Variants in TFEC observed in about 807,000 individuals in gnomAD.
The protein encoded by TFEC is class E basic helix-loop-helix protein 34.
Under a neutral mutation model 41.6 loss-of-function variants are expected in TFEC, and 31 were observed. The observed-to-expected ratio is 0.74, with a 90% CI of 0.56 to 1.01. The LOEUF is 1.01. TFEC is among the 50% of genes least tolerant of loss of function. The pLI is 0.00. For synonymous variants in TFEC, 143 were observed against 140.6 expected (o/e 1.02, Z -0.12); for missense variants, 402 against 404.1 (o/e 0.99, Z 0.04).
chr7:115,947,770 T>C (rs1485320231), intron 6 of TFEC, among the ~76,000 whole-genome samples: 2 of 37,912 alleles, frequency 5.3e-5, no homozygotes, highest in Non-Finnish European at 1.4e-4. Flanking sequence ...TGGGGTTGTT[T>C]GTTTTTTCTT....
chr7:115,967,406 G>T (rs907453732), intron 3 of TFEC, among the ~76,000 whole-genome samples: 4 of 151,676 alleles, frequency 2.6e-5, no homozygotes, highest in Non-Finnish European at 5.9e-5. Flanking sequence ...TGTATAAAGA[G>T]GATCACTGTA....
intron 1 of TFEC, among the ~76,000 whole-genome samples, chr7:116,151,587 T>TCCA (rs1798761909): frequency 6.6e-6 from 1 of 152,144 alleles, no homozygotes; most frequent in Admixed American, 6.5e-5. Context: ...TTTCTTCTCC[T>TCCA]TGTAGTAGGG....
Position 116,016,376 on chromosome 7 carries a change from G to A in TFEC, c.-73+14257C>T, listed in dbSNP as rs554650642. Among the ~76,000 whole-genome samples the A allele has an allele frequency of 2.0e-5, 3 of 152,268 alleles. No homozygotes were observed. In the South Asian group the frequency reaches 6.2e-4, roughly 32 times the overall value. ...TCTCTCTCTCCACATTCTTCCCATA[G>A]AGGATCTCATCAGTGCTCATGGTTT... On this transcript the variant is annotated intron_variant, in intron 1 of 7. Transcript: ENST00000265440.
At chr7:116,060,185 T>C (rs1247367212) in intron 3 of TFEC, among the ~76,000 whole-genome samples, 1 of 104,274 alleles carries the variant, frequency 9.6e-6, no homozygotes, top group African/African-American at 4.3e-5. Context: ...GCAATTGTAA[T>C]TTTAGATTTA....
intron 3 of TFEC, among the ~76,000 whole-genome samples, chr7:116,066,704 C>T (rs982219592): frequency 6.6e-6 from 1 of 152,030 alleles, no homozygotes; most frequent in Non-Finnish European, 1.5e-5. Context: ...AATACAATTA[C>T]AATTTTTTTT....
At chr7:115,974,130 T>C (rs1226666201) in intron 3 of TFEC, 40 bp downstream of exon 3, 3 of 1,506,684 alleles carry the variant, frequency 2.0e-6, no homozygotes, top group Non-Finnish European at 1.8e-6. Context: ...AGTGTATTCA[T>C]TTCTGTTTCA....
At chr7:116,113,977 G>C (rs1797914210) in intron 1 of TFEC, among the ~76,000 whole-genome samples, 1 of 151,948 alleles carries the variant, frequency 6.6e-6, no homozygotes, top group Non-Finnish European at 1.5e-5. Flanking sequence ...AGGACTTAGA[G>C]AAGTACATAG....
intron 1 of TFEC, among the ~76,000 whole-genome samples, chr7:116,156,545 G>C (rs749213292): frequency 2.6e-5 from 4 of 152,106 alleles, no homozygotes; most frequent in Non-Finnish European, 5.9e-5. Flanking sequence ...CCTCAGCCTT[G>C]AATCTTTTCT....
intron 1 of TFEC, among the ~76,000 whole-genome samples, chr7:116,008,099 C>T (rs945801512): frequency 1.3e-5 from 2 of 152,156 alleles, no homozygotes; most frequent in Non-Finnish European, 2.9e-5. Flanking sequence ...GATAAATCCG[C>T]TTCTTGGGTA....
At chr7:116,138,047 A>G (rs1358359555) in intron 1 of TFEC, among the ~76,000 whole-genome samples, 1 of 152,150 alleles carries the variant, frequency 6.6e-6, no homozygotes, top group Non-Finnish European at 1.5e-5. Context: ...ATCTTTCCTC[A>G]GGTTATATAC....
At chr7:116,099,443 C>T (rs1584514627) in intron 3 of TFEC, among the ~76,000 whole-genome samples, 1 of 152,146 alleles carries the variant, frequency 6.6e-6, no homozygotes, top group African/African-American at 2.4e-5. Flanking sequence ...TCTTCTCCCA[C>T]GGCGACTCTA....
intron 1 of TFEC, among the ~76,000 whole-genome samples, chr7:115,985,903 A>T (rs1793833076): frequency 6.6e-6 from 1 of 152,170 alleles, no homozygotes; most frequent in African/African-American, 2.4e-5. Context: ...AATATACATT[A>T]TGAAGAACAC....
At chr7:115,964,087 G>A (rs962179794) in intron 3 of TFEC, among the ~76,000 whole-genome samples, 3 of 151,516 alleles carry the variant, frequency 2.0e-5, no homozygotes, top group Non-Finnish European at 4.4e-5. Flanking sequence ...AAATAAATAA[G>A]TGAAATGATC....
chr7:116,152,491 T>A (rs1274459711), intron 1 of TFEC, among the ~76,000 whole-genome samples: 1 of 152,194 alleles, frequency 6.6e-6, no homozygotes, highest in Non-Finnish European at 1.5e-5. Context: ...AAGCGGGTAC[T>A]GATCAGGGCA....
intron 1 of TFEC, among the ~76,000 whole-genome samples, chr7:115,994,498 A>C (rs1794272556): frequency 6.6e-6 from 1 of 152,208 alleles, no homozygotes; most frequent in African/African-American, 2.4e-5. Flanking sequence ...AAGAACTCAC[A>C]CAAATTTACA....
At chr7:116,135,354 T>C (rs889174658) in intron 1 of TFEC, among the ~76,000 whole-genome samples, 2 of 152,190 alleles carry the variant, frequency 1.3e-5, no homozygotes, top group Admixed American at 6.5e-5. Context: ...CCAAGGAACA[T>C]GGTTCAAAAG....
intron 3 of TFEC, among the ~76,000 whole-genome samples, chr7:116,043,954 G>A (rs1796099668): frequency 6.6e-6 from 1 of 152,162 alleles, no homozygotes; most frequent in South Asian, 2.1e-4. Flanking sequence ...GCACTCCTGT[G>A]AATGTGAACT....
At chr7:116,118,096 A>G (rs1420467057) in intron 1 of TFEC, among the ~76,000 whole-genome samples, 1 of 151,784 alleles carries the variant, frequency 6.6e-6, no homozygotes, top group African/African-American at 2.4e-5. Flanking sequence ...TTTCTCTTAG[A>G]GTTGACCTTT....
At chr7:115,941,045 A>G (rs1793468649) in intron 7 of TFEC, 114 bp from the exon 8 acceptor site, 2 of 955,706 alleles carry the variant, frequency 2.1e-6, no homozygotes, top group Admixed American at 6.0e-5. Flanking sequence ...GAAGAGTAAT[A>G]CAATACAAAT....
Sources: gnomAD v4.1 joint callset for allele counts (sites outside exome capture counted in the v4.1 genomes callset) on GRCh38, gnomAD v4.1.1 for gene constraint, MANE v1.5 for transcripts, NCBI Gene and HGNC (gene_info 2026-07-23, HGNC 2026-07-21) for gene names.